PCDH15: variants seen among roughly 807,000 people sequenced by gnomAD.
PCDH15 encodes the protein protocadherin related 15.
A neutral mutation model predicts 178.5 loss-of-function variants in PCDH15; 129 were observed. The observed-to-expected ratio is 0.72, with a 90% CI of 0.63 to 0.84. The LOEUF (loss-of-function observed/expected upper bound fraction) is 0.84, where lower values mean the gene tolerates loss of function less well. PCDH15 is among the 40% of genes least tolerant of loss of function. PCDH15 has a pLI of 0.00. For synonymous variants in PCDH15, 800 were observed against 732.0 expected (o/e 1.09, Z -1.50); for missense variants, 2,230 against 2,099.9 (o/e 1.06, Z -1.21).
At chr10:54,167,401 G>T (rs1025455505) in intron 13 of PCDH15, among the ~76,000 whole-genome samples, 1 of 152,054 alleles carries the variant, frequency 6.6e-6, no homozygotes, top group African/African-American at 2.4e-5. Flanking sequence ...GAGAGACAAA[G>T]GAGACACATT....
At chr10:55,581,416 T>A (rs1379826933) in intron 2 of PCDH15, among the ~76,000 whole-genome samples, 2 of 151,866 alleles carry the variant, frequency 1.3e-5, no homozygotes, top group Non-Finnish European at 2.9e-5. Context: ...TAATTTTCAA[T>A]CTAAATAGAT....
chr10:54,079,255 C>A (rs181809272), intron 17 of PCDH15, 76 bp downstream of exon 17: 59 of 1,340,124 alleles, frequency 4.4e-5, no homozygotes, highest in African/African-American at 3.7e-4. Flanking sequence ...TAATTCATGT[C>A]TGTGATACAT....
At chr10:55,508,394 G>A (rs900495575) in intron 2 of PCDH15, among the ~76,000 whole-genome samples, 30 of 151,706 alleles carry the variant, frequency 2.0e-4, no homozygotes, top group Admixed American at 4.6e-4. Flanking sequence ...ATTTCACTTC[G>A]GTTAGTTTAA....
intron 2 of PCDH15, among the ~76,000 whole-genome samples, chr10:54,563,418 G>T (rs890878734): frequency 6.6e-6 from 1 of 152,056 alleles, no homozygotes; most frequent in Non-Finnish European, 1.5e-5. Context: ...GACTTGCCGG[G>T]TATCACTGAC....
At position 55,483,295 on chromosome 10, in the gene PCDH15, T is replaced by G. The variant is rs1348153453; in HGVS notation, c.-156+144330A>C. Reference sequence around the variant, plus strand: ...ATAAATTTTTACAAAAAAAAATCCATAAAAAAGTGGGCAAAGTACATAAAC... The same window carrying G: ...ATAAATTTTTACAAAAAAAAATCCAGAAAAAAGTGGGCAAAGTACATAAAC... On this transcript the variant is annotated intron_variant, in intron 2 of 5. Transcript: ENST00000613346. Among the ~76,000 whole-genome samples, 29 of 151,154 alleles carry G rather than the reference T, an allele frequency of 1.9e-4. 1 individual carries two copies. Among genetic ancestry groups the G allele is most frequent in the Admixed American group, 1.9e-3 (29 of 15,146 alleles).
chr10:55,431,888 A>G (rs1026271336), intron 2 of PCDH15, among the ~76,000 whole-genome samples: 6 of 152,132 alleles, frequency 3.9e-5, no homozygotes, highest in African/African-American at 1.2e-4. Flanking sequence ...TCTTGTGGGT[A>G]ACCATTATTC....
At chr10:54,926,010 ATCC>A (rs1352475045) in intron 2 of PCDH15, among the ~76,000 whole-genome samples, 2 of 152,176 alleles carry the variant, frequency 1.3e-5, no homozygotes, top group Non-Finnish European at 2.9e-5. Context: ...GAAAGAAGGC[ATCC>A]TTGTCTTGTG....
chr10:54,323,639 T>C (rs1009289318), intron 7 of PCDH15, among the ~76,000 whole-genome samples: 1 of 151,966 alleles, frequency 6.6e-6, no homozygotes, highest in African/African-American at 2.4e-5. Context: ...CTACATAATA[T>C]CAGTTTTTCA....
intron 8 of PCDH15, among the ~76,000 whole-genome samples, chr10:54,307,075 TATATAC>T (rs1252888818): frequency 1.7e-3 from 16 of 9,610 alleles, no homozygotes; most frequent in East Asian, 7.1e-3. Context: ...TATATATATA[TATATAC>T]ATATATATAT....
At chr10:55,410,404 T>G (rs1838302094) in intron 2 of PCDH15, among the ~76,000 whole-genome samples, 1 of 152,078 alleles carries the variant, frequency 6.6e-6, no homozygotes, top group Admixed American at 6.6e-5. Flanking sequence ...TACCACATAA[T>G]CTGATATCAT....
At chr10:54,648,967 A>G (rs2094194919) in intron 2 of PCDH15, among the ~76,000 whole-genome samples, 1 of 152,020 alleles carries the variant, frequency 6.6e-6, no homozygotes, top group East Asian at 1.9e-4. Flanking sequence ...AACAGATCTC[A>G]TCAGTATTCC....
chr10:55,077,748 T>G (rs1841943420), intron 2 of PCDH15, among the ~76,000 whole-genome samples: 1 of 152,130 alleles, frequency 6.6e-6, no homozygotes, highest in Non-Finnish European at 1.5e-5. Flanking sequence ...GGATTCACCA[T>G]GTTGGACAGA....
intron 2 of PCDH15, among the ~76,000 whole-genome samples, chr10:55,551,977 G>A (rs191491763): frequency 5.9e-5 from 9 of 151,432 alleles, no homozygotes; most frequent in South Asian, 2.1e-4. Flanking sequence ...AAGGTTTTCC[G>A]TATTTAAATA....
intron 2 of PCDH15, among the ~76,000 whole-genome samples, chr10:55,581,687 T>C (rs1267402019): frequency 3.3e-5 from 5 of 152,170 alleles, no homozygotes; most frequent in Non-Finnish European, 7.3e-5. Flanking sequence ...TAATAAAAGA[T>C]AAAAGTAGAA....
intron 8 of PCDH15, among the ~76,000 whole-genome samples, chr10:54,249,201 A>G (rs1421519431): frequency 6.6e-6 from 1 of 152,090 alleles, no homozygotes; most frequent in Admixed American, 6.6e-5. Context: ...ACCATGTTCC[A>G]TATTTAATTT....
intron 1 of PCDH15, among the ~76,000 whole-genome samples, chr10:55,318,141 C>A (rs1843777500): frequency 6.6e-6 from 1 of 151,964 alleles, no homozygotes; most frequent in Non-Finnish European, 1.5e-5. Context: ...TCCGCTGGAA[C>A]ATTTTTATAC....
At chr10:53,969,871 G>A (rs1589686122) in intron 21 of PCDH15, among the ~76,000 whole-genome samples, 1 of 152,256 alleles carries the variant, frequency 6.6e-6, no homozygotes, top group East Asian at 1.9e-4. Flanking sequence ...ACTAAACATG[G>A]AAAGGAACAA....
At chr10:55,372,641 G>A (rs1184824676) in intron 2 of PCDH15, among the ~76,000 whole-genome samples, 1 of 152,188 alleles carries the variant, frequency 6.6e-6, no homozygotes, top group African/African-American at 2.4e-5. Flanking sequence ...CTCATGATGA[G>A]GCAAAGCCAA....
At chr10:54,662,797 A>G (rs763953298) in intron 2 of PCDH15, among the ~76,000 whole-genome samples, 11 of 152,046 alleles carry the variant, frequency 7.2e-5, no homozygotes, top group Non-Finnish European at 1.3e-4. Flanking sequence ...AAGTAATACC[A>G]ATACATTGAT....
Sources: gnomAD v4.1 joint callset for allele counts (sites outside exome capture counted in the v4.1 genomes callset) on GRCh38, gnomAD v4.1.1 for gene constraint, MANE v1.5 for transcripts, NCBI Gene and HGNC (gene_info 2026-07-23, HGNC 2026-07-21) for gene names.